TMEM135: variants seen among roughly 807,000 people sequenced by gnomAD.
The protein encoded by TMEM135 is transmembrane protein 135, also known as peroxisomal membrane protein 52.
In TMEM135, 30 loss-of-function variants were observed where a neutral mutation model predicts 60.3. That is an observed-to-expected ratio of 0.50 (90% CI 0.37 to 0.68). TMEM135 has a LOEUF of 0.68. Ranked by LOEUF, TMEM135 falls within the 30% of genes least tolerant of loss-of-function variation. The pLI is 0.00. For missense variants in TMEM135, 468 were observed against 548.8 expected (o/e 0.85, Z 1.47); for synonymous variants, 190 against 186.7 (o/e 1.02, Z -0.14).
intron 5 of TMEM135, among the ~76,000 whole-genome samples, chr11:87,209,220 A>G (rs1591105481): frequency 6.6e-6 from 1 of 152,156 alleles, no homozygotes; most frequent in Admixed American, 6.6e-5. Context: ...CTTAATGTCA[A>G]TGGGCTGAAT....
chr11:87,159,617 A>ACACACACACACACACACACACACC (rs140303858), intron 5 of TMEM135, among the ~76,000 whole-genome samples: 30 of 149,450 alleles, frequency 2.0e-4, no homozygotes, highest in African/African-American at 7.2e-4. Flanking sequence ...ACACACACAC[A>ACACACACACACACACACACACACC]CCATAGATTT....
chr11:87,142,146 A>G (rs911190773), intron 4 of TMEM135, among the ~76,000 whole-genome samples: 3 of 152,206 alleles, frequency 2.0e-5, no homozygotes, highest in Non-Finnish European at 4.4e-5. Context: ...GGCATGGGCC[A>G]CAGGTGGTCT....
intron 6 of TMEM135, among the ~76,000 whole-genome samples, chr11:87,287,297 C>T (rs1348412247): frequency 1.3e-5 from 2 of 152,178 alleles, no homozygotes; most frequent in Non-Finnish European, 2.9e-5. Flanking sequence ...AAAGATATAT[C>T]ATGTAATATT....
chr11:87,316,683 A>G (rs1230250935), intron 12 of TMEM135, among the ~76,000 whole-genome samples: 1 of 152,010 alleles, frequency 6.6e-6, no homozygotes, highest in East Asian at 1.9e-4. Flanking sequence ...GAGAAAGAAA[A>G]TAATCCTTAG....
rs59740138 is a variant in TMEM135, at chr11:87,298,786, C to CAAAAA, written c.551+2977_551+2981dup. Among the ~76,000 whole-genome samples the CAAAAA allele has an allele frequency of 6.4e-4, 37 of 57,688 alleles. 3 individuals carry two copies. Among genetic ancestry groups the CAAAAA allele is most frequent in the East Asian group, 1.7e-3 (3 of 1,728 alleles). 37.8% of individuals were successfully genotyped at this position (57,688 alleles called of 152,430 possible). A position where few individuals can be genotyped will look rare whatever the true frequency, so the allele number is the denominator to read the frequency against. On this transcript the variant is annotated intron_variant, in intron 7 of 14. Transcript: ENST00000305494. The stretch of plus-strand genomic sequence containing the variant: ...TGGGTGACAGAGTGAGACTCTGTCT[C>CAAAAA]AAAAAAAAAAAAAAAAAACAGCCGG...
intron 10 of TMEM135, among the ~76,000 whole-genome samples, chr11:87,311,433 C>T (rs1032588366): frequency 1.3e-5 from 2 of 151,940 alleles, no homozygotes; most frequent in African/African-American, 4.8e-5. Context: ...TGTTTATATT[C>T]ACATTTAAAA....
chr11:87,258,961 A>C (rs1054328712), intron 6 of TMEM135: 12 of 1,512,824 alleles, frequency 7.9e-6, no homozygotes, highest in African/African-American at 1.4e-5. Context: ...CTCGGTTTGC[A>C]TCTTCTCAGT....
intron 4 of TMEM135, among the ~76,000 whole-genome samples, chr11:87,121,789 G>A (rs560561167): frequency 6.6e-6 from 1 of 151,946 alleles, no homozygotes; most frequent in Admixed American, 6.5e-5. Context: ...ACAGGTACAC[G>A]CCACCAAGCC....
At position 87,157,367 on chromosome 11, in the gene TMEM135, T is replaced by G; in HGVS notation, c.423T>G (p.Gly141=). The change falls in exon 5 of 15, where the codon GGT becomes GGG. Residue 141 remains glycine (G), a synonymous_variant. Transcript: ENST00000305494. ...CCACAGAAACACTATTCAGAATGGG[T>G]GTAGCAAGAGGAACCATCACAACAT... ...NLATETLFRM[G]VARGTITTLR... 1 of 1,613,266 alleles carries G rather than the reference T, an allele frequency of 6.2e-7. No individual in the cohort carries two copies. Among genetic ancestry groups the G allele is most frequent in the South Asian group, 1.1e-5 (1 of 91,048 alleles).
intron 4 of TMEM135, among the ~76,000 whole-genome samples, chr11:87,143,937 C>T (rs1938334328): frequency 6.6e-6 from 1 of 152,166 alleles, no homozygotes; most frequent in Non-Finnish European, 1.5e-5. Flanking sequence ...AGCAGTCTTT[C>T]ATGAGTAAAT....
chr11:87,133,904 T>G (rs1938011878), intron 4 of TMEM135, among the ~76,000 whole-genome samples: 2 of 152,178 alleles, frequency 1.3e-5, no homozygotes, highest in Non-Finnish European at 2.9e-5. Context: ...TGTTGTTTGG[T>G]TCTATCATGA....
chr11:87,120,710 C>T (rs965094644), intron 4 of TMEM135, among the ~76,000 whole-genome samples: 3 of 151,950 alleles, frequency 2.0e-5, no homozygotes, highest in African/African-American at 7.3e-5. Context: ...TCATGATCCA[C>T]CTGCCTCGGC....
chr11:87,219,903 G>C (rs1206474322), intron 5 of TMEM135, among the ~76,000 whole-genome samples: 1 of 152,022 alleles, frequency 6.6e-6, no homozygotes, highest in East Asian at 1.9e-4. Context: ...TTTTCTTCTA[G>C]TCATTCATGC....
intron 4 of TMEM135, among the ~76,000 whole-genome samples, chr11:87,098,485 A>G (rs1474611320): frequency 6.6e-6 from 1 of 152,084 alleles, no homozygotes; most frequent in Non-Finnish European, 1.5e-5. Flanking sequence ...ACTTATTTTG[A>G]ACTGCGTGTG....
intron 7 of TMEM135, among the ~76,000 whole-genome samples, chr11:87,300,672 T>G (rs983736105): frequency 6.6e-6 from 1 of 152,200 alleles, no homozygotes; most frequent in Non-Finnish European, 1.5e-5. Flanking sequence ...TCATTCAATA[T>G]GTATTAAATA....
chr11:87,188,132 G>A (rs1435695345), intron 5 of TMEM135, among the ~76,000 whole-genome samples: 1 of 152,146 alleles, frequency 6.6e-6, no homozygotes, highest in Non-Finnish European at 1.5e-5. Context: ...AGATCGCTAT[G>A]TGGTGTTCTT....
intron 5 of TMEM135, among the ~76,000 whole-genome samples, chr11:87,187,517 G>C (rs1304130821): frequency 6.6e-6 from 1 of 152,138 alleles, no homozygotes; most frequent in Non-Finnish European, 1.5e-5. Context: ...GACCTTAACT[G>C]TCATGGATCC....
At chr11:87,041,492 A>G (rs1195185481) in intron 1 of TMEM135, among the ~76,000 whole-genome samples, 1 of 152,226 alleles carries the variant, frequency 6.6e-6, no homozygotes, top group African/African-American at 2.4e-5. Context: ...GGAAAGAGTC[A>G]GAACTCCTGT....
intron 6 of TMEM135, among the ~76,000 whole-genome samples, chr11:87,286,553 G>C (rs1009266328): frequency 1.3e-5 from 2 of 152,226 alleles, no homozygotes; most frequent in African/African-American, 4.8e-5. Context: ...CGATGGGACC[G>C]GGGGCCACAG....
Sources: gnomAD v4.1 joint callset for allele counts (sites outside exome capture counted in the v4.1 genomes callset) on GRCh38, gnomAD v4.1.1 for gene constraint, MANE v1.5 for transcripts, NCBI Gene and HGNC (gene_info 2026-07-23, HGNC 2026-07-21) for gene names.